Variants in KCNQ5 observed in about 807,000 individuals in gnomAD.
The protein encoded by KCNQ5 is potassium voltage-gated channel subfamily KQT member 5.
In KCNQ5, 30 loss-of-function variants were observed where a neutral mutation model predicts 98.2. That is an observed-to-expected ratio of 0.31 (90% confidence interval 0.23 to 0.41). The LOEUF (loss-of-function observed/expected upper bound fraction) is 0.41. KCNQ5 is among the 10% of genes least tolerant of loss of function. KCNQ5 has a pLI of 1.00. For missense variants in KCNQ5, 835 were observed against 1,182.5 expected (o/e 0.71, Z 4.31); for synonymous variants, 458 against 449.4 (o/e 1.02, Z -0.24).
intron 5 of KCNQ5, 37 bp from the exon 6 acceptor site, chr6:73,105,220 G>A (rs540453351): frequency 4.0e-6 from 5 of 1,239,356 alleles, no homozygotes; most frequent in South Asian, 2.7e-5. Context: ...TTCCTCTCAA[G>A]TACTTAAGCT....
chr6:72,831,495 C>T (rs765507885), intron 1 of KCNQ5, among the ~76,000 whole-genome samples: 15 of 150,822 alleles, frequency 9.9e-5, no homozygotes, highest in Admixed American at 2.7e-4. Context: ...AAACAAACAT[C>T]GCATGTTCTC....
At chr6:73,176,701 T>C (rs1261968146) in intron 11 of KCNQ5, among the ~76,000 whole-genome samples, 1 of 151,958 alleles carries the variant, frequency 6.6e-6, no homozygotes, top group Non-Finnish European at 1.5e-5. Flanking sequence ...TTGGAGAGGA[T>C]GGAGGGAAAG....
intron 1 of KCNQ5, among the ~76,000 whole-genome samples, chr6:72,878,855 A>G (rs1163412313): frequency 6.6e-6 from 1 of 152,140 alleles, no homozygotes; most frequent in Non-Finnish European, 1.5e-5. Flanking sequence ...ATTAGTTGCT[A>G]TATTAAATTA....
At chr6:72,979,606 T>C (rs774707024) in intron 1 of KCNQ5, among the ~76,000 whole-genome samples, 5 of 152,202 alleles carry the variant, frequency 3.3e-5, no homozygotes, top group Non-Finnish European at 5.9e-5. Flanking sequence ...ATTGCAAAAA[T>C]TTTCTCCCAT....
At chr6:73,055,307 A>G in intron 3 of KCNQ5, 1 of 1,409,608 alleles carries the variant, frequency 7.1e-7, no homozygotes, top group Admixed American at 1.7e-5. Context: ...GCTAGATGCC[A>G]TTGATCAGAT....
chr6:72,808,257 C>T (rs1176934830), intron 1 of KCNQ5, among the ~76,000 whole-genome samples: 3 of 152,076 alleles, frequency 2.0e-5, no homozygotes, highest in African/African-American at 4.8e-5. Flanking sequence ...AACAATCAAA[C>T]GCACACTTAA....
At chr6:72,974,984 G>A (rs1008633716) in intron 1 of KCNQ5, among the ~76,000 whole-genome samples, 3 of 151,978 alleles carry the variant, frequency 2.0e-5, no homozygotes, top group East Asian at 3.9e-4. Context: ...CAATCTACTC[G>A]CCTCGGCCTC....
At chr6:72,726,819 T>C (rs771320600) in intron 1 of KCNQ5, among the ~76,000 whole-genome samples, 1 of 152,184 alleles carries the variant, frequency 6.6e-6, no homozygotes, top group Non-Finnish European at 1.5e-5. Context: ...GATGAAAGCC[T>C]TAAGTTCTAA....
At chr6:72,857,145 T>G (rs764568402) in intron 1 of KCNQ5, among the ~76,000 whole-genome samples, 4 of 152,214 alleles carry the variant, frequency 2.6e-5, no homozygotes, top group African/African-American at 9.6e-5. Flanking sequence ...CAGAAAGATA[T>G]ATGACTAGAA....
intron 9 of KCNQ5, among the ~76,000 whole-genome samples, chr6:73,126,232 C>T (rs1313174246): frequency 7.2e-5 from 11 of 152,182 alleles, no homozygotes; most frequent in African/African-American, 4.8e-5. Context: ...GGCACAAATT[C>T]CAGAGCTACC....
intron 6 of KCNQ5, among the ~76,000 whole-genome samples, chr6:73,107,259 T>A (rs779813993): frequency 4.6e-5 from 7 of 152,232 alleles, no homozygotes; most frequent in Non-Finnish European, 1.0e-4. Context: ...ACAGGCTATG[T>A]TCTGTCCTCA....
chr6:72,859,337 G>C (rs185175070), intron 1 of KCNQ5, among the ~76,000 whole-genome samples: 2 of 152,008 alleles, frequency 1.3e-5, no homozygotes, highest in African/African-American at 2.4e-5. Context: ...ATTTTTTTAA[G>C]CATGGGTGGC....
At chr6:73,077,556 G>T in intron 4 of KCNQ5, 59 bp downstream of exon 4, 1 of 1,505,824 alleles carries the variant, frequency 6.6e-7, no homozygotes, top group South Asian at 1.3e-5. Flanking sequence ...ATTGATCGCT[G>T]TAATAGTTAA....
At chr6:72,658,559 G>GATATATATATATATATAT (rs1189137122) in intron 1 of KCNQ5, among the ~76,000 whole-genome samples, 23 of 88,426 alleles carry the variant, frequency 2.6e-4, no homozygotes, top group African/African-American at 1.5e-3. Context: ...GGGATTAAAG[G>GATATATATATATATATAT]ATATATATAT....
chr6:73,167,627 A>C (rs909638458), intron 10 of KCNQ5, among the ~76,000 whole-genome samples: 1 of 152,208 alleles, frequency 6.6e-6, no homozygotes, highest in African/African-American at 2.4e-5. Context: ...ACCTGGTGTA[A>C]ATTTCAATGA....
chr6:72,837,700 C>T (rs1776566016), intron 1 of KCNQ5, among the ~76,000 whole-genome samples: 3 of 151,910 alleles, frequency 2.0e-5, no homozygotes, highest in Admixed American at 1.3e-4. Context: ...ATTCATATAT[C>T]ATGGAAAAAT....
chr6:73,094,541 T>C (rs904240057), intron 5 of KCNQ5, among the ~76,000 whole-genome samples: 6 of 152,144 alleles, frequency 3.9e-5, no homozygotes, highest in Non-Finnish European at 7.4e-5. Flanking sequence ...TTTAAAGAGG[T>C]TCTGTTTTGA....
chr6:72,833,312 A>G (rs1776361895), intron 1 of KCNQ5, among the ~76,000 whole-genome samples: 1 of 152,182 alleles, frequency 6.6e-6, no homozygotes, highest in Middle Eastern at 3.2e-3. Context: ...CGGGAGGTAG[A>G]GTAAGCTAAA....
chr6:72,859,400 T>C (rs541115183), intron 1 of KCNQ5, among the ~76,000 whole-genome samples: 1 of 149,460 alleles, frequency 6.7e-6, no homozygotes, highest in South Asian at 2.2e-4. Context: ...TGACAAATAA[T>C]GTACCCTTGT....
Sources: allele counts gnomAD v4.1 joint callset (sites outside exome capture counted in the v4.1 genomes callset), GRCh38; gene constraint gnomAD v4.1.1; transcripts MANE v1.5; gene names NCBI Gene and HGNC (gene_info 2026-07-23, HGNC 2026-07-21).